The following USP43 variants were observed in gnomAD, a reference collection of about 807,000 sequenced individuals.
The protein encoded by USP43 is ubiquitin specific peptidase 43, also known as ubiquitin carboxyl-terminal hydrolase 43.
USP43 carries 33 observed loss-of-function variants against 90.7 expected under a neutral mutation model. The ratio of observed to expected loss-of-function variants is 0.36; its 90% CI spans 0.28 to 0.49. The LOEUF (loss-of-function observed/expected upper bound fraction) is 0.49, where lower values mean the gene tolerates loss of function less well. Ranked by LOEUF, USP43 falls within the 20% of genes least tolerant of loss-of-function variation. USP43 has a pLI of 0.98. For synonymous variants in USP43, 598 were observed against 615.8 expected, an observed-to-expected ratio of 0.97 and a Z score of 0.43; for missense variants, 1,274 against 1,476.4, an observed-to-expected ratio of 0.86 and a Z score of 2.25.
At position 9,657,677 on chromosome 17, in the gene USP43, G is replaced by A. The variant is rs575719931; in HGVS notation, c.636+1143G>A. On this transcript the variant is annotated intron_variant, in intron 2 of 14. Transcript: ENST00000285199. Reference sequence around the variant, plus strand: ...AGGTGGCAGGAAAGAGAGAGAGTGAGGGGGAACAGCCCTTATAAAACCATC... The same window carrying A: ...AGGTGGCAGGAAAGAGAGAGAGTGAAGGGGAACAGCCCTTATAAAACCATC... Among the ~76,000 whole-genome samples the A allele has an allele frequency of 1.6e-4, 24 of 152,106 alleles. No individual in the cohort carries two copies. In the South Asian group the frequency reaches 4.8e-3, roughly 30 times the overall value.
intron 6 of USP43, among the ~76,000 whole-genome samples, chr17:9,681,461 A>ATT (rs1289730265): frequency 0.015 from 958 of 64,964 alleles, 42 homozygotes; most frequent in African/African-American, 0.017. Flanking sequence ...TATAAAATAT[A>ATT]TTATATATAT....
chr17:9,674,065 G>T lies in USP43; in HGVS notation c.741-826G>T, dbSNP rs1456128456. Among the ~76,000 whole-genome samples, 2 of 151,954 alleles carry T rather than the reference G, an allele frequency of 1.3e-5. No homozygotes were observed. The highest frequency in any genetic ancestry group is 4.8e-5 in the African/African-American group (2 of 41,322). ...CTTGAAACAGAATCTCTGGGAGTGG[G>T]GCCTGGACATTGGAATTTTAAAAAA... On this transcript the variant is annotated intron_variant, in intron 3 of 14. Transcript: ENST00000285199. The surrounding 1 kb of genome is among the most constrained non-coding windows in gnomAD (Gnocchi z 4.4).
chr17:9,655,412 G>A (rs1216210104), intron 1 of USP43, among the ~76,000 whole-genome samples: 2 of 152,264 alleles, frequency 1.3e-5, no homozygotes, highest in East Asian at 3.8e-4. Flanking sequence ...CTGAGAAGGG[G>A]TACCACGGGA....
At chr17:9,683,721 T>C (rs1281954914) in intron 7 of USP43, among the ~76,000 whole-genome samples, 1 of 152,226 alleles carries the variant, frequency 6.6e-6, no homozygotes, top group Non-Finnish European at 1.5e-5. Flanking sequence ...TTATGGTATA[T>C]TTCATATTAC....
intron 9 of USP43, among the ~76,000 whole-genome samples, chr17:9,699,637 G>A (rs1321433397): frequency 1.3e-5 from 2 of 152,180 alleles, no homozygotes; most frequent in East Asian, 1.9e-4. Flanking sequence ...CTGATCCACC[G>A]TTTCTGAAAT....
At chr17:9,657,556 G>A (rs890928819) in intron 2 of USP43, among the ~76,000 whole-genome samples, 2 of 152,048 alleles carry the variant, frequency 1.3e-5, no homozygotes, top group Non-Finnish European at 2.9e-5. Context: ...AATTTATAAG[G>A]GAAAGAGATT....
intron 14 of USP43, among the ~76,000 whole-genome samples, chr17:9,716,037 ATG>A (rs1173064390): frequency 6.7e-6 from 1 of 148,522 alleles, no homozygotes; most frequent in Non-Finnish European, 1.5e-5. Flanking sequence ...GTATGTGAGA[ATG>A]TGTTTGTGTG....
chr17:9,685,709 A>T (rs1914559853), intron 7 of USP43, among the ~76,000 whole-genome samples: 1 of 152,200 alleles, frequency 6.6e-6, no homozygotes, highest in Non-Finnish European at 1.5e-5. Context: ...GTACATATTT[A>T]TGGGGTACGG....
Position 9,680,360 on chromosome 17 carries a change from C to T in USP43, c.1099C>T (p.Leu367Phe). The change falls in exon 6 of 15, where the codon CTC (leucine) becomes TTC (phenylalanine). Residue 367 changes from leucine (L) to phenylalanine (F), a missense_variant. Transcript: ENST00000285199. ...QVPPSPSQGT[L>F]SAHPLGLSAS... ...TCCTCCCTCACCCAGCCAGGGGACT[C>T]TCTCAGGTATAACAGGTGCTTTGCA... 6.2e-7 allele frequency: 1 copy of T among 1,613,894 alleles called. No homozygotes were observed. The highest frequency in any genetic ancestry group is 1.6e-4 in the Middle Eastern group (1 of 6,062).
rs891333808 is a variant in USP43 at position 9,645,744 on chromosome 17, C to A, written c.112C>A (p.Arg38Ser). 1.3e-5 allele frequency: 18 copies of A among 1,380,982 alleles called. No homozygotes were observed. Among genetic ancestry groups the A allele is most frequent in the Non-Finnish European group, 1.6e-5 (17 of 1,073,308 alleles). 85.5% of individuals were successfully genotyped at this position (1,380,982 alleles called of 1,614,324 possible). Residue 38 changes from arginine to serine, a missense_variant, in exon 1 of 15, where the codon CGC becomes AGC. By Grantham distance (110) the Arg-to-Ser change is moderately radical. Coordinates refer to ENST00000285199, the MANE Select transcript of USP43 (RefSeq NM_153210.5). This position sits in a 1 kb window ranked among gnomAD's most constrained non-coding sequence, Gnocchi z 6.8. ...FSRFLLALGS[R>S]SRPGDSPPRP... ...CCGCTTCCTGCTGGCGCTGGGCAGC[C>A]GCTCACGCCCCGGGGACTCACCGCC...
At chr17:9,716,129 A>G (rs1456057298) in intron 14 of USP43, among the ~76,000 whole-genome samples, 2 of 139,716 alleles carry the variant, frequency 1.4e-5, no homozygotes, top group Non-Finnish European at 3.0e-5. Flanking sequence ...TGAGTGTGTG[A>G]TCTTTAGCCT....
At chr17:9,660,918 C>T (rs139030203) in intron 2 of USP43, among the ~76,000 whole-genome samples, 2 of 152,214 alleles carry the variant, frequency 1.3e-5, no homozygotes, top group South Asian at 2.1e-4. Flanking sequence ...CGGCTGTGTA[C>T]GCTTGAAGGT....
chr17:9,729,015 G>T lies in USP43; in HGVS notation c.*25G>T, dbSNP rs117927876. 5.7e-4 allele frequency: 858 copies of T among 1,496,590 alleles called. 17 individuals are homozygous for T. The East Asian group carries it at 0.016, about 28-fold the overall frequency. 92.7% of individuals were successfully genotyped at this position (1,496,590 alleles called of 1,614,324 possible). A position where few individuals can be genotyped will look rare whatever the true frequency, so the allele number is the denominator to read the frequency against. Reference sequence around the variant, plus strand: ...ATGGAGCGTGTCAGTATTGTGTGACGCTGGCATTCTTGGGACTTTGCCAAG... The same window carrying T: ...ATGGAGCGTGTCAGTATTGTGTGACTCTGGCATTCTTGGGACTTTGCCAAG... On this transcript the variant is annotated 3_prime_UTR_variant, in exon 15 of 15. Transcript: ENST00000285199.
chr17:9,685,600 T>A (rs533059686), intron 7 of USP43, among the ~76,000 whole-genome samples: 1 of 152,236 alleles, frequency 6.6e-6, no homozygotes, highest in African/African-American at 2.4e-5. Context: ...TCTGCTTACA[T>A]TGCAGTGTCT....
intron 10 of USP43, 134 bp from the exon 11 acceptor site, chr17:9,700,985 A>T: frequency 8.8e-7 from 1 of 1,141,396 alleles, no homozygotes; most frequent in Non-Finnish European, 1.1e-6. Flanking sequence ...GCAGCTCTCC[A>T]GGAACCCATA....
chr17:9,683,302 C>T (rs1209242383), intron 7 of USP43, among the ~76,000 whole-genome samples: 2 of 151,732 alleles, frequency 1.3e-5, no homozygotes, highest in African/African-American at 4.9e-5. Flanking sequence ...TCCAGAAAAC[C>T]AAGAACTGGA....
intron 2 of USP43, among the ~76,000 whole-genome samples, chr17:9,662,305 C>G (rs1232549941): frequency 1.3e-5 from 2 of 152,174 alleles, no homozygotes; most frequent in Admixed American, 6.5e-5. Context: ...AGGCTAGGGT[C>G]CGCTATGCAT....
At chr17:9,675,158 G>C (rs1279518203) in intron 4 of USP43, among the ~76,000 whole-genome samples, 175 bp downstream of exon 4, 1 of 152,158 alleles carries the variant, frequency 6.6e-6, no homozygotes, top group African/African-American at 2.4e-5. Context: ...AGAGTGAAAG[G>C]TTACTGTGTT....
intron 14 of USP43, among the ~76,000 whole-genome samples, chr17:9,727,412 C>T (rs1162064842): frequency 6.6e-6 from 1 of 152,158 alleles, no homozygotes; most frequent in Non-Finnish European, 1.5e-5. Flanking sequence ...TTTTCACATG[C>T]ATGCATAATA....
Sources: gnomAD v4.1 joint callset for allele counts (sites outside exome capture counted in the v4.1 genomes callset) on GRCh38, gnomAD v4.1.1 for gene constraint, Gnocchi (gnomAD v3.1) non-coding constraint, MANE v1.5 for transcripts, NCBI Gene and HGNC (gene_info 2026-07-23, HGNC 2026-07-21) for gene names.